The following PKIB variants were observed in gnomAD, a reference collection of about 807,000 sequenced individuals.
PKIB encodes cAMP-dependent protein kinase inhibitor beta.
A neutral mutation model predicts 4.5 loss-of-function variants in PKIB; 2 were observed. The observed-to-expected ratio is 0.44, with a 90% CI of 0.18 to 1.39. The LOEUF (loss-of-function observed/expected upper bound fraction) is 1.39, where lower values mean the gene tolerates loss of function less well. Ranked by LOEUF, PKIB falls within the 40% of genes most tolerant of loss-of-function variation. PKIB has a pLI of 0.27. For synonymous variants in PKIB, 38 were observed against 36.0 expected, an observed-to-expected ratio of 1.06 and a Z score of -0.20; for missense variants, 94 against 92.6, an observed-to-expected ratio of 1.02 and a Z score of -0.06.
intron 2 of PKIB, among the ~76,000 whole-genome samples, chr6:122,669,654 C>A (rs1777374952): frequency 6.6e-6 from 1 of 152,044 alleles, no homozygotes; most frequent in South Asian, 2.1e-4. Flanking sequence ...GAGTTCCAGG[C>A]CCATACTTTC....
At chr6:122,637,040 C>T (rs1775942529) in intron 2 of PKIB, among the ~76,000 whole-genome samples, 1 of 152,028 alleles carries the variant, frequency 6.6e-6, no homozygotes, top group East Asian at 1.9e-4. Context: ...TTTATTTATA[C>T]AATATACAAA....
intron 3 of PKIB, among the ~76,000 whole-genome samples, chr6:122,688,394 G>A (rs1778178798): frequency 3.3e-5 from 5 of 152,168 alleles, no homozygotes; most frequent in Admixed American, 3.3e-4. Context: ...ATTCTTTAGG[G>A]ATATTGGTGT....
intron 3 of PKIB, among the ~76,000 whole-genome samples, chr6:122,685,810 T>C (rs1778071666): frequency 1.3e-5 from 2 of 152,130 alleles, no homozygotes; most frequent in African/African-American, 4.8e-5. Context: ...TAACCCATGA[T>C]CCCCTTCCCA....
chr6:122,684,303 C>A, intron 3 of PKIB, among the ~76,000 whole-genome samples: 1 of 152,134 alleles, frequency 6.6e-6, no homozygotes, highest in East Asian at 1.9e-4. Context: ...CAGTATTCTA[C>A]ACTTAAAAAT....
At chr6:122,541,391 C>T (rs1455619908) in intron 2 of PKIB, among the ~76,000 whole-genome samples, 2 of 151,560 alleles carry the variant, frequency 1.3e-5, no homozygotes, top group Non-Finnish European at 3.0e-5. Flanking sequence ...GTGACAAAAT[C>T]TCTCAGCATT....
At chr6:122,550,314 C>G (rs570970879) in intron 2 of PKIB, among the ~76,000 whole-genome samples, 10 of 152,308 alleles carry the variant, frequency 6.6e-5, no homozygotes, top group African/African-American at 2.4e-4. Flanking sequence ...ACTTCTATCA[C>G]TTCTGCTTCC....
In PKIB at chr6:122,694,990, A is replaced by G. The variant is rs547817964; in HGVS notation, c.-9+19846A>G. 2.0e-5 allele frequency among the ~76,000 whole-genome samples: 3 copies of G among 152,336 alleles called. No individual in the cohort carries two copies. The East Asian group carries it at 5.8e-4, about 29-fold the overall frequency. On this transcript the variant is annotated intron_variant, in intron 3 of 4. Coordinates refer to ENST00000368452, the MANE Select transcript of PKIB (RefSeq NM_181795.3). ...TTACCCTGAGGGAATCTAATACAGT[A>G]GAGGGTTCCTACGCTGCATTCTTTG... is the stretch of plus-strand genomic sequence containing the variant.
chr6:122,564,898 T>G (rs1210221666), intron 2 of PKIB, among the ~76,000 whole-genome samples: 1 of 152,150 alleles, frequency 6.6e-6, no homozygotes, highest in African/African-American at 2.4e-5. Context: ...AAGAAAAAAT[T>G]TCTTACAGCC....
intron 2 of PKIB, among the ~76,000 whole-genome samples, chr6:122,562,170 G>A (rs2114675154): frequency 6.6e-6 from 1 of 151,682 alleles, no homozygotes; most frequent in Middle Eastern, 3.4e-3. Context: ...AATTCTCTCA[G>A]CATTCGTTTG....
chr6:122,646,477 C>T (rs888524662), intron 2 of PKIB, among the ~76,000 whole-genome samples: 25 of 152,112 alleles, frequency 1.6e-4, no homozygotes, highest in African/African-American at 6.0e-4. Context: ...AAATGAAACC[C>T]TCAAAACAAA....
chr6:122,542,167 C>A (rs1020124052), intron 2 of PKIB, among the ~76,000 whole-genome samples: 11 of 152,082 alleles, frequency 7.2e-5, no homozygotes, highest in African/African-American at 2.4e-4. Context: ...TTGTCTGAAG[C>A]CTTCTTCTCT....
intron 3 of PKIB, among the ~76,000 whole-genome samples, chr6:122,685,963 C>G (rs1223823427): frequency 1.3e-5 from 2 of 152,190 alleles, no homozygotes; most frequent in African/African-American, 4.8e-5. Context: ...CCAATTCCAT[C>G]CATGTTGTTG....
intron 1 of PKIB, among the ~76,000 whole-genome samples, chr6:122,613,691 C>T (rs1410050769): frequency 6.6e-6 from 1 of 151,974 alleles, no homozygotes; most frequent in Non-Finnish European, 1.5e-5. Flanking sequence ...TTTGGCCCTG[C>T]GTGGTGGCTC....
chr6:122,666,618 C>G (rs1325626048), intron 2 of PKIB, among the ~76,000 whole-genome samples: 1 of 152,174 alleles, frequency 6.6e-6, no homozygotes, highest in Admixed American at 6.5e-5. Flanking sequence ...TTGAAACAGA[C>G]CAGACTCCTT....
At chr6:122,508,745 G>A (rs556017588) in intron 2 of PKIB, among the ~76,000 whole-genome samples, 1 of 152,112 alleles carries the variant, frequency 6.6e-6, no homozygotes, top group East Asian at 1.9e-4. Context: ...ATATTAACTG[G>A]CTGATTAAAA....
chr6:122,608,974 TATATA>T (rs1441056947), upstream of PKIB, among the ~76,000 whole-genome samples: 3 of 151,896 alleles, frequency 2.0e-5, no homozygotes, highest in Admixed American at 6.6e-5. Flanking sequence ...TATATGTTAT[TATATA>T]ATATAATAAT....
intron 2 of PKIB, among the ~76,000 whole-genome samples, chr6:122,526,641 G>A (rs1777098697): frequency 6.6e-6 from 1 of 151,978 alleles, no homozygotes; most frequent in African/African-American, 2.4e-5. Flanking sequence ...TATTCAATAA[G>A]CCATGCTGTC....
At chr6:122,509,130 A>G (rs1339172616) in intron 2 of PKIB, among the ~76,000 whole-genome samples, 4 of 152,176 alleles carry the variant, frequency 2.6e-5, no homozygotes, top group African/African-American at 9.7e-5. Context: ...ACTTTATCAC[A>G]TGGTCCCATA....
At position 122,700,301 on chromosome 6, in the gene PKIB, G is replaced by A. The variant is rs564851793; in HGVS notation, c.-8-17486G>A. 1.4e-3 allele frequency among the ~76,000 whole-genome samples: 201 copies of A among 146,646 alleles called. 1 individual carries two copies. The highest frequency in any genetic ancestry group is 4.9e-3 in the African/African-American group (197 of 39,802). ...GTGGTGGTCACTGGACATATTTGGT[G>A]GTGGTGGGGTGGTGGTGTGGGATCC... On this transcript the variant is annotated intron_variant, in intron 3 of 4. Transcript: ENST00000368452.
Sources: allele counts gnomAD v4.1 joint callset (sites outside exome capture counted in the v4.1 genomes callset), GRCh38; gene constraint gnomAD v4.1.1; transcripts MANE v1.5; gene names NCBI Gene and HGNC (gene_info 2026-07-23, HGNC 2026-07-21).